The following SPATA6 variants were observed in gnomAD, a reference collection of about 807,000 sequenced individuals.
The protein encoded by SPATA6 is spermatogenesis-associated protein 6.
A neutral mutation model predicts 65.3 loss-of-function variants in SPATA6; 56 were observed. That is an observed-to-expected ratio of 0.86 (90% CI 0.69 to 1.07). The LOEUF is 1.07. Among genes scored for constraint, SPATA6 ranks in the 50% least tolerant of loss-of-function variants. The probability of loss-of-function intolerance (pLI) is 0.00; values close to 1 mark genes in which losing one functional copy is unlikely to be tolerated. For synonymous variants in SPATA6, 199 were observed against 213.2 expected, an observed-to-expected ratio of 0.93 and a Z score of 0.58; for missense variants, 590 against 594.8, an observed-to-expected ratio of 0.99 and a Z score of 0.08.
At chr1:48,389,916 C>A (rs1033880350) in intron 8 of SPATA6, among the ~76,000 whole-genome samples, 1 of 151,994 alleles carries the variant, frequency 6.6e-6, no homozygotes, top group African/African-American at 2.4e-5. Flanking sequence ...CAGATAACCA[C>A]CAAACCACAA....
At chr1:48,349,269 C>T (rs1325286401) in intron 11 of SPATA6, among the ~76,000 whole-genome samples, 2 of 151,834 alleles carry the variant, frequency 1.3e-5, no homozygotes, top group Admixed American at 1.3e-4. Context: ...ATGCTATGAC[C>T]TAAAAAGTAA....
downstream of SPATA6, among the ~76,000 whole-genome samples, chr1:48,292,675 C>T (rs1305897800): frequency 1.3e-5 from 2 of 152,208 alleles, no homozygotes; most frequent in South Asian, 2.1e-4. Flanking sequence ...CAATAGCAGG[C>T]ATATGTACAG....
At chr1:48,402,388 G>A (rs1651249206) in intron 6 of SPATA6, among the ~76,000 whole-genome samples, 1 of 151,912 alleles carries the variant, frequency 6.6e-6, no homozygotes, top group South Asian at 2.1e-4. Flanking sequence ...ACTCCAGCGT[G>A]AAGAAAAAAA....
chr1:48,428,900 T>A (rs1278686649), intron 3 of SPATA6, among the ~76,000 whole-genome samples: 5 of 151,690 alleles, frequency 3.3e-5, no homozygotes, highest in African/African-American at 1.2e-4. Context: ...TGTTTGTGTG[T>A]GTGTGTGACA....
At chr1:48,364,774 T>G (rs1045425350) in intron 9 of SPATA6, among the ~76,000 whole-genome samples, 3 of 152,236 alleles carry the variant, frequency 2.0e-5, no homozygotes, top group African/African-American at 7.2e-5. Context: ...TGGTAGTTTC[T>G]TTTGCTGTGC....
chr1:48,278,966 A>G, the SPATA6 span, among the ~76,000 whole-genome samples: 694 of 152,300 alleles, frequency 4.6e-3, 5 homozygotes, highest in African/African-American at 0.016. Context: ...AAGCCCATCA[A>G]ACTAACAGCG....
At chr1:48,347,650 T>A (rs1033850115) in intron 11 of SPATA6, among the ~76,000 whole-genome samples, 1 of 151,798 alleles carries the variant, frequency 6.6e-6, no homozygotes, top group African/African-American at 2.4e-5. Context: ...TTAGCTTGCT[T>A]TTCTGTAGTG....
chr1:48,381,271 C>G (rs1228041911), intron 9 of SPATA6, among the ~76,000 whole-genome samples: 1 of 152,112 alleles, frequency 6.6e-6, no homozygotes, highest in African/African-American at 2.4e-5. Flanking sequence ...TATTCATAGT[C>G]TATACTAGTG....
the SPATA6 span, among the ~76,000 whole-genome samples, chr1:48,268,556 A>T: frequency 8.2e-3 from 917 of 111,578 alleles, 9 homozygotes; most frequent in African/African-American, 0.032. Context: ...GTGCTAAATT[A>T]AAAAAAAAAT....
intron 11 of SPATA6, among the ~76,000 whole-genome samples, chr1:48,336,466 C>T (rs1000744179): frequency 1.3e-5 from 2 of 151,976 alleles, no homozygotes; most frequent in African/African-American, 4.8e-5. Context: ...AGAAAGAGAT[C>T]ACATCCTTTG....
At chr1:48,464,494 T>C (rs1020559486) in intron 1 of SPATA6, among the ~76,000 whole-genome samples, 1 of 152,200 alleles carries the variant, frequency 6.6e-6, no homozygotes, top group Non-Finnish European at 1.5e-5. Flanking sequence ...AGAATGCTCA[T>C]AGGAGCACAA....
chr1:48,466,439 AG>A (rs1657812836), intron 1 of SPATA6, among the ~76,000 whole-genome samples: 1 of 152,130 alleles, frequency 6.6e-6, no homozygotes, highest in African/African-American at 2.4e-5. Context: ...ACAAATACTT[AG>A]TAATAAGTAC....
At chr1:48,368,849 C>A (rs949532441) in intron 9 of SPATA6, among the ~76,000 whole-genome samples, 3 of 152,208 alleles carry the variant, frequency 2.0e-5, no homozygotes, top group African/African-American at 7.2e-5. Context: ...GAACTGCATT[C>A]CTTTGGAGAA....
chr1:48,448,585 T>C (rs1012675248), intron 3 of SPATA6, among the ~76,000 whole-genome samples: 4 of 151,966 alleles, frequency 2.6e-5, no homozygotes, highest in African/African-American at 9.7e-5. Flanking sequence ...CACATACTCA[T>C]ACCAACATGG....
At chr1:48,348,317 T>A (rs554298029) in intron 11 of SPATA6, among the ~76,000 whole-genome samples, 5 of 152,188 alleles carry the variant, frequency 3.3e-5, no homozygotes, top group African/African-American at 1.2e-4. Flanking sequence ...TGGAGATTTG[T>A]CCATTCTCAC....
At chr1:48,323,028 C>G (rs1645644321) in intron 11 of SPATA6, among the ~76,000 whole-genome samples, 1 of 152,146 alleles carries the variant, frequency 6.6e-6, no homozygotes, top group Non-Finnish European at 1.5e-5. Context: ...CCTCAAGGAT[C>G]TAGAACTAGA....
At chr1:48,355,581 G>A (rs1429666428) in intron 11 of SPATA6, 89 bp downstream of exon 11, 19 of 881,092 alleles carry the variant, frequency 2.2e-5, no homozygotes, top group African/African-American at 3.5e-5. Flanking sequence ...TTTTCTTCCC[G>A]GTGACTAAAT....
chr1:48,309,927 T>C (rs139642764), intron 11 of SPATA6, among the ~76,000 whole-genome samples: 100 of 152,308 alleles, frequency 6.6e-4, no homozygotes, highest in Non-Finnish European at 1.2e-3. Flanking sequence ...ACTGATTGTT[T>C]ATGCAGAGCC....
intron 9 of SPATA6, among the ~76,000 whole-genome samples, chr1:48,366,298 G>T (rs1056531648): frequency 9.9e-5 from 15 of 152,254 alleles, no homozygotes; most frequent in Admixed American, 3.9e-4. Context: ...TCAGGATGAT[G>T]CTGGCCTCAT....
Sources: allele counts gnomAD v4.1 joint callset (sites outside exome capture counted in the v4.1 genomes callset), GRCh38; gene constraint gnomAD v4.1.1; transcripts MANE v1.5; gene names NCBI Gene and HGNC (gene_info 2026-07-23, HGNC 2026-07-21).